Variants in PRMT8 observed in about 807,000 individuals in gnomAD.
PRMT8 encodes the protein protein arginine N-methyltransferase 8.
Under a neutral mutation model 47.1 loss-of-function variants are expected in PRMT8, and 7 were observed. The ratio of observed to expected loss-of-function variants is 0.15; its 90% CI spans 0.08 to 0.28. The LOEUF (loss-of-function observed/expected upper bound fraction) is 0.28, where lower values mean the gene tolerates loss of function less well. Among genes scored for constraint, PRMT8 ranks in the 10% least tolerant of loss-of-function variants. PRMT8 has a pLI of 1.00. For synonymous variants in PRMT8, 188 were observed against 186.5 expected (o/e 1.01, Z -0.07); for missense variants, 237 against 505.4 (o/e 0.47, Z 5.09).
intron 1 of PRMT8, among the ~76,000 whole-genome samples, chr12:3,460,992 CAT>C (rs1464273419): frequency 6.6e-6 from 1 of 152,178 alleles, no homozygotes; most frequent in Non-Finnish European, 1.5e-5. Flanking sequence ...CTGGGGCTGA[CAT>C]ATCTTTTTCC....
At chr12:3,429,175 C>T (rs1377811665) in intron 1 of PRMT8, among the ~76,000 whole-genome samples, 1 of 152,174 alleles carries the variant, frequency 6.6e-6, no homozygotes, top group African/African-American at 2.4e-5. Flanking sequence ...CCAGCTGTAA[C>T]CAAGTGTCTA....
At chr12:3,515,735 T>A (rs1170995390) in intron 1 of PRMT8, among the ~76,000 whole-genome samples, 2 of 152,210 alleles carry the variant, frequency 1.3e-5, no homozygotes, top group African/African-American at 4.8e-5. Context: ...CTGAGCCTGG[T>A]GTGGTTGAAC....
chr12:3,579,092 A>G (rs1380486327), intron 7 of PRMT8, among the ~76,000 whole-genome samples: 1 of 152,202 alleles, frequency 6.6e-6, no homozygotes, highest in Non-Finnish European at 1.5e-5. Flanking sequence ...AAGAACAAGG[A>G]AAGTATGCCC....
intron 1 of PRMT8, among the ~76,000 whole-genome samples, chr12:3,411,211 A>G (rs777132880): frequency 1.3e-5 from 2 of 152,198 alleles, no homozygotes; most frequent in African/African-American, 2.4e-5. Context: ...CAAGGCCGCT[A>G]AAAGCTCATT....
chr12:3,520,484 A>G (rs1188805329), intron 1 of PRMT8, among the ~76,000 whole-genome samples: 1 of 152,238 alleles, frequency 6.6e-6, no homozygotes, highest in Non-Finnish European at 1.5e-5. Flanking sequence ...AACTCCAGCC[A>G]GTTTCTTATA....
chr12:3,435,259 C>A (rs146944834), intron 1 of PRMT8, among the ~76,000 whole-genome samples: 1 of 151,864 alleles, frequency 6.6e-6, no homozygotes, highest in South Asian at 2.1e-4. Flanking sequence ...ATGAGCCACC[C>A]GGTCCAGCCT....
At chr12:3,577,448 G>GC (rs1389537359) in intron 7 of PRMT8, among the ~76,000 whole-genome samples, 1 of 151,842 alleles carries the variant, frequency 6.6e-6, no homozygotes, top group Non-Finnish European at 1.5e-5. Flanking sequence ...GCTTCCAGCT[G>GC]CCCCTTCCTG....
At chr12:3,568,949 C>A in intron 5 of PRMT8, 101 bp downstream of exon 5, 1 of 1,498,924 alleles carries the variant, frequency 6.7e-7, no homozygotes, top group Non-Finnish European at 9.1e-7. Context: ...TCAGAGAAGA[C>A]TGAGGCCAGG....
intron 1 of PRMT8, among the ~76,000 whole-genome samples, chr12:3,412,815 A>T (rs1864445133): frequency 6.6e-6 from 1 of 152,130 alleles, no homozygotes; most frequent in Non-Finnish European, 1.5e-5. Flanking sequence ...GGGTTTTACC[A>T]TATTGGCCAG....
chr12:3,546,882 A>C (rs976260217), intron 2 of PRMT8, among the ~76,000 whole-genome samples: 2 of 152,274 alleles, frequency 1.3e-5, no homozygotes, highest in Non-Finnish European at 2.9e-5. Flanking sequence ...TGTTTCTCAT[A>C]ATTATGAATA....
chr12:3,385,895 T>C (rs1434935745), intron 1 of PRMT8, among the ~76,000 whole-genome samples: 1 of 142,854 alleles, frequency 7.0e-6, no homozygotes, highest in Non-Finnish European at 1.5e-5. Flanking sequence ...GACTCTCCGT[T>C]CTTTTGTCTA....
intron 1 of PRMT8, among the ~76,000 whole-genome samples, chr12:3,430,192 T>A (rs1864659351): frequency 6.6e-6 from 1 of 152,186 alleles, no homozygotes; most frequent in Non-Finnish European, 1.5e-5. Flanking sequence ...GGGGGCTGCA[T>A]GCACCAGTAA....
At chr12:3,510,057 G>A (rs1865688825) in intron 1 of PRMT8, among the ~76,000 whole-genome samples, 1 of 152,174 alleles carries the variant, frequency 6.6e-6, no homozygotes, top group Non-Finnish European at 1.5e-5. Flanking sequence ...AGGGTTTGGA[G>A]GAGCCAATAT....
At chr12:3,438,304 G>A (rs1216695555) in intron 1 of PRMT8, among the ~76,000 whole-genome samples, 1 of 152,210 alleles carries the variant, frequency 6.6e-6, no homozygotes, top group Non-Finnish European at 1.5e-5. Flanking sequence ...CCCTGCTGTC[G>A]CCCATGTGGC....
chr12:3,491,802 T>TCA, intron 1 of PRMT8, 102 bp downstream of exon 1: 1 of 1,299,006 alleles, frequency 7.7e-7, no homozygotes, highest in Non-Finnish European at 1.0e-6. Flanking sequence ...TTTCCCCAGT[T>TCA]TCATCCCGCT....
intron 8 of PRMT8, among the ~76,000 whole-genome samples, chr12:3,586,354 G>C (rs12809693): frequency 0.012 from 1,867 of 152,206 alleles, 16 homozygotes; most frequent in Non-Finnish European, 0.018. Context: ...CCTAGTCTTT[G>C]GTCACACCCC....
chr12:3,423,755 TC>T (rs1864568697), intron 1 of PRMT8, among the ~76,000 whole-genome samples: 1 of 152,214 alleles, frequency 6.6e-6, no homozygotes, highest in African/African-American at 2.4e-5. Context: ...CCAAATGGAT[TC>T]CTTTCTGTGT....
At chr12:3,491,079 G>A (rs890942158), upstream of PRMT8, 1 of 814,842 alleles carries the variant, frequency 1.2e-6, no homozygotes, top group East Asian at 1.3e-4. Context: ...CTAGGGGAGG[G>A]GGCGGGCCCG....
In PRMT8 at chr12:3,436,554, G is replaced by A. The variant is rs866861692; in HGVS notation, c.48+55112G>A. 1.3e-5 allele frequency among the ~76,000 whole-genome samples: 2 copies of A among 151,956 alleles called. No homozygotes were observed. The highest frequency in any genetic ancestry group is 2.1e-4 in the South Asian group (1 of 4,812). The stretch of plus-strand genomic sequence containing the variant: ...TCTATTAATAGAGTAAAGATTTCAT[G>A]CCACCAGTAATTTTTCTAAGAGGAG... On this transcript the variant is annotated intron_variant, in intron 1 of 9. Transcript: ENST00000452611. This position sits in a 1 kb window ranked among gnomAD's most constrained non-coding sequence, Gnocchi z 4.2.
Sources: allele counts gnomAD v4.1 joint callset (sites outside exome capture counted in the v4.1 genomes callset), GRCh38; gene constraint gnomAD v4.1.1; non-coding constraint Gnocchi (gnomAD v3.1); transcripts MANE v1.5; gene names NCBI Gene and HGNC (gene_info 2026-07-23, HGNC 2026-07-21).